PTPRG: variants seen among roughly 807,000 people sequenced by gnomAD.
PTPRG encodes protein tyrosine phosphatase receptor type G.
Under a neutral mutation model 165.3 loss-of-function variants are expected in PTPRG, and 102 were observed. The ratio of observed to expected loss-of-function variants is 0.62; its 90% CI spans 0.53 to 0.73. The LOEUF (loss-of-function observed/expected upper bound fraction) is 0.73. PTPRG is among the 30% of genes least tolerant of loss of function. PTPRG has a pLI of 0.00. For missense variants in PTPRG, 1,866 were observed against 1,861.4 expected (o/e 1.00, Z -0.05); for synonymous variants, 675 against 669.5 (o/e 1.01, Z -0.13).
chr3:62,165,058 A>G (rs797022214), intron 7 of PTPRG, among the ~76,000 whole-genome samples: 2 of 152,174 alleles, frequency 1.3e-5, no homozygotes, highest in Non-Finnish European at 2.9e-5. Context: ...TCACGTCTCT[A>G]TGGCTTTAAT....
At chr3:61,878,190 C>G (rs2107462632) in intron 2 of PTPRG, among the ~76,000 whole-genome samples, 1 of 152,276 alleles carries the variant, frequency 6.6e-6, no homozygotes, top group East Asian at 1.9e-4. Context: ...GGGGAATTTG[C>G]TATGTCACAT....
At chr3:61,966,830 A>G (rs546297971) in intron 2 of PTPRG, among the ~76,000 whole-genome samples, 1 of 152,152 alleles carries the variant, frequency 6.6e-6, no homozygotes, top group Non-Finnish European at 1.5e-5. Context: ...CATAGCAAGC[A>G]CTTTGTTTCT....
At chr3:62,260,822 A>G (rs912689276) in intron 16 of PTPRG, 1 of 152,212 alleles carries the variant, frequency 6.6e-6, no homozygotes, top group South Asian at 2.1e-4. Flanking sequence ...TATTATCTAC[A>G]TGACAAAATC....
At chr3:61,856,458 T>G (rs1011992526) in intron 2 of PTPRG, among the ~76,000 whole-genome samples, 3 of 152,212 alleles carry the variant, frequency 2.0e-5, no homozygotes, top group Non-Finnish European at 4.4e-5. Flanking sequence ...GCCCACAGTT[T>G]GCACCATGAT....
intron 2 of PTPRG, among the ~76,000 whole-genome samples, chr3:61,951,618 C>A: frequency 6.6e-6 from 1 of 152,132 alleles, no homozygotes; most frequent in East Asian, 1.9e-4. Context: ...CTGTGTATTT[C>A]CAGCGCTTGT....
At position 62,223,872 on chromosome 3, in the gene PTPRG, C is replaced by T. The variant is rs535553832; in HGVS notation, c.2288+4889C>T. ...AGCTGTACAGAGTTTCCAATATGTC[C>T]ATTGCATACAACATGCTTGAAAATA... On this transcript the variant is annotated intron_variant, in intron 13 of 29. Coordinates refer to ENST00000474889, the MANE Select transcript of PTPRG (RefSeq NM_002841.4). Among the ~76,000 whole-genome samples the T allele has an allele frequency of 1.1e-3, 165 of 152,220 alleles. 1 individual carries two copies. The highest frequency in any genetic ancestry group is 3.9e-3 in the African/African-American group (164 of 41,530).
chr3:61,692,672 G>A (rs1238244042), intron 1 of PTPRG, among the ~76,000 whole-genome samples: 1 of 152,116 alleles, frequency 6.6e-6, no homozygotes, highest in African/African-American at 2.4e-5. Context: ...GGGTCACAAG[G>A]TGCTCAGTAG....
intron 1 of PTPRG, among the ~76,000 whole-genome samples, chr3:61,599,213 G>A (rs1484277685): frequency 2.0e-5 from 3 of 151,944 alleles, no homozygotes; most frequent in African/African-American, 4.8e-5. Context: ...GCAATGACTC[G>A]ATTTCAGCTC....
At chr3:61,886,060 C>A (rs1054770801) in intron 2 of PTPRG, among the ~76,000 whole-genome samples, 1 of 151,932 alleles carries the variant, frequency 6.6e-6, no homozygotes, top group Non-Finnish European at 1.5e-5. Context: ...GCACCACCCC[C>A]TGACATGTCA....
intron 5 of PTPRG, among the ~76,000 whole-genome samples, chr3:62,107,469 G>A (rs1475556865): frequency 6.6e-6 from 1 of 152,176 alleles, no homozygotes; most frequent in East Asian, 1.9e-4. Context: ...ATGTTTCTAA[G>A]TCCCAGGCAA....
At chr3:62,194,539 CA>C (rs1699913097) in intron 9 of PTPRG, among the ~76,000 whole-genome samples, 1 of 152,178 alleles carries the variant, frequency 6.6e-6, no homozygotes, top group Admixed American at 6.5e-5. Flanking sequence ...CAGACCTGGG[CA>C]GGCAGGGTGG....
chr3:61,767,254 A>G (rs1466615466), intron 2 of PTPRG, among the ~76,000 whole-genome samples: 1 of 149,294 alleles, frequency 6.7e-6, no homozygotes, highest in Non-Finnish European at 1.5e-5. Context: ...AAAAAAAAAA[A>G]AAAGAAAGTA....
intron 2 of PTPRG, among the ~76,000 whole-genome samples, chr3:61,899,505 G>GA (rs1466960295): frequency 1.3e-5 from 2 of 152,250 alleles, no homozygotes; most frequent in East Asian, 3.9e-4. Context: ...GCCCCTTCAG[G>GA]AGAGAGAGCT....
intron 7 of PTPRG, among the ~76,000 whole-genome samples, chr3:62,157,598 G>A (rs901779405): frequency 6.6e-6 from 1 of 152,134 alleles, no homozygotes; most frequent in Non-Finnish European, 1.5e-5. Flanking sequence ...CTCTTGTGAG[G>A]TAGATGCTAT....
chr3:61,830,414 ACTGT>A (rs138378668), intron 2 of PTPRG, among the ~76,000 whole-genome samples: 6,436 of 152,220 alleles, frequency 0.042, 213 homozygotes, highest in South Asian at 0.16. Flanking sequence ...AATCTCTCCA[ACTGT>A]CTGTCTATAG....
Position 61,989,547 on chromosome 3 carries a change from G to A in PTPRG, c.191-78G>A, listed in dbSNP as rs2040834465. 7 of 1,406,904 alleles carry A rather than the reference G, an allele frequency of 5.0e-6. No individual in the cohort carries two copies. The South Asian group carries it at 1.0e-4, about 20-fold the overall frequency. 87.2% of individuals were successfully genotyped at this position (1,406,904 alleles called of 1,614,324 possible). ...TTGGGGACATGTTGAGAGATGCAGT[G>A]CTCAGCTTCCTAAGATTTATTCATT... On this transcript the variant is annotated intron_variant, in intron 2 of 29. Coordinates refer to ENST00000474889, the MANE Select transcript of PTPRG (RefSeq NM_002841.4).
At chr3:61,979,630 A>C (rs564992698) in intron 2 of PTPRG, among the ~76,000 whole-genome samples, 2 of 152,320 alleles carry the variant, frequency 1.3e-5, no homozygotes, top group South Asian at 4.1e-4. Flanking sequence ...TTACACTATG[A>C]ATTTATTGAA....
At chr3:61,622,887 A>G (rs1161766900) in intron 1 of PTPRG, among the ~76,000 whole-genome samples, 1 of 152,176 alleles carries the variant, frequency 6.6e-6, no homozygotes, top group Admixed American at 6.5e-5. Context: ...AAGAAGGTAC[A>G]TTTGCACCCT....
At chr3:61,985,854 C>T (rs1452304520) in intron 2 of PTPRG, among the ~76,000 whole-genome samples, 4 of 152,162 alleles carry the variant, frequency 2.6e-5, no homozygotes, top group Admixed American at 6.6e-5. Context: ...GCCATAGTCA[C>T]CTTTGCTGGG....
Sources: gnomAD v4.1 joint callset for allele counts (sites outside exome capture counted in the v4.1 genomes callset) on GRCh38, gnomAD v4.1.1 for gene constraint, MANE v1.5 for transcripts, NCBI Gene and HGNC (gene_info 2026-07-23, HGNC 2026-07-21) for gene names.